The following HTT-AS variants were observed in gnomAD, a reference collection of about 807,000 sequenced individuals.
HTT-AS encodes HTT antisense RNA (head to head).
intron 2 of HTT-AS, among the ~76,000 whole-genome samples, chr4:3,059,327 C>G (rs1486914008): frequency 6.6e-6 from 1 of 152,138 alleles, no homozygotes; most frequent in East Asian, 1.9e-4. Flanking sequence ...TTGCTTTGAC[C>G]ACACAGCATC....
intron 1 of HTT-AS, among the ~76,000 whole-genome samples, chr4:3,072,789 G>A (rs1295174595): frequency 6.6e-6 from 1 of 152,216 alleles, no homozygotes; most frequent in East Asian, 1.9e-4. Context: ...CACTACACCC[G>A]GCTAATTTTT....
chr4:3,050,843 C>G (rs540905276), intron 2 of HTT-AS, among the ~76,000 whole-genome samples: 11 of 152,162 alleles, frequency 7.2e-5, no homozygotes, highest in African/African-American at 2.4e-4. Flanking sequence ...CCGTTTACCT[C>G]TCTTTGGATG....
chr4:3,047,319 AAAAC>A (rs1207939645), downstream of HTT-AS, among the ~76,000 whole-genome samples: 2 of 152,146 alleles, frequency 1.3e-5, no homozygotes, highest in Non-Finnish European at 2.9e-5. Flanking sequence ...TCAAAAAACA[AAAAC>A]AAAAACAAAA....
chr4:3,049,835 T>C (rs1711666486), intron 2 of HTT-AS, among the ~76,000 whole-genome samples: 1 of 151,846 alleles, frequency 6.6e-6, no homozygotes, highest in African/African-American at 2.4e-5. Context: ...AAAATGACGA[T>C]TGAATAAAAT....
At chr4:3,048,964 A>G (rs1202471976), downstream of HTT-AS, among the ~76,000 whole-genome samples, 2 of 152,224 alleles carry the variant, frequency 1.3e-5, no homozygotes, top group Admixed American at 1.3e-4. Context: ...TTTCTCACCT[A>G]CACTGGACCT....
chr4:3,047,808 G>A (rs1711622996), downstream of HTT-AS, among the ~76,000 whole-genome samples: 1 of 152,198 alleles, frequency 6.6e-6, no homozygotes, highest in African/African-American at 2.4e-5. Context: ...TCACTTTCAT[G>A]TTCCGCTCTG....
chr4:3,066,976 C>T lies in HTT-AS; in HGVS notation n.114-3276G>A, dbSNP rs73086132. Among the ~76,000 whole-genome samples the T allele has an allele frequency of 6.8e-3, 1,035 of 152,232 alleles. 15 individuals are homozygous for T. Among genetic ancestry groups the T allele is most frequent in the African/African-American group, 0.024 (990 of 41,524 alleles). On this transcript the variant is annotated intron_variant and non_coding_transcript_variant, in intron 1 of 2. Coordinates refer to ENST00000664062, the Ensembl canonical transcript of HTT-AS. ...CAGACACTTAAACAACTATGTTTCC[C>T]ATGTTCAAAGAGGAAATTTGCAAAA...
chr4:3,059,487 T>C (rs751232280), intron 2 of HTT-AS, among the ~76,000 whole-genome samples: 8 of 152,198 alleles, frequency 5.3e-5, no homozygotes, highest in Non-Finnish European at 8.8e-5. Context: ...ATTTCTCCAC[T>C]TCCTCATAAA....
At chr4:3,067,081 G>A (rs1419850958) in intron 1 of HTT-AS, among the ~76,000 whole-genome samples, 1 of 152,160 alleles carries the variant, frequency 6.6e-6, no homozygotes, top group Admixed American at 6.5e-5. Context: ...TTACGGTCCC[G>A]AAAACTGCAG....
chr4:3,071,403 C>T (rs1365777376), intron 1 of HTT-AS, among the ~76,000 whole-genome samples: 1 of 152,168 alleles, frequency 6.6e-6, no homozygotes, highest in Non-Finnish European at 1.5e-5. Flanking sequence ...AAAGGTGTGT[C>T]TTTCCCTTCA....
intron 2 of HTT-AS, among the ~76,000 whole-genome samples, chr4:3,053,405 T>C (rs1711748922): frequency 6.6e-6 from 1 of 152,110 alleles, no homozygotes; most frequent in Admixed American, 6.5e-5. Flanking sequence ...TGGTGGCGCA[T>C]GCTGGTAATC....
At chr4:3,067,166 CAGATG>C (rs1284724596) in intron 1 of HTT-AS, among the ~76,000 whole-genome samples, 1 of 152,130 alleles carries the variant, frequency 6.6e-6, no homozygotes, top group East Asian at 1.9e-4. Flanking sequence ...GGAAGTAAGT[CAGATG>C]ACACTACCCA....
At chr4:3,072,210 C>G (rs1342600478) in intron 1 of HTT-AS, among the ~76,000 whole-genome samples, 1 of 152,272 alleles carries the variant, frequency 6.6e-6, no homozygotes, top group South Asian at 2.1e-4. Context: ...CCTTTCCAAT[C>G]TCACGTGGTG....
chr4:3,055,390 C>G (rs1711788613), intron 2 of HTT-AS, among the ~76,000 whole-genome samples: 1 of 152,118 alleles, frequency 6.6e-6, no homozygotes, highest in African/African-American at 2.4e-5. Context: ...GGGAGGGCCT[C>G]TAACCCAATC....
chr4:3,051,469 A>G lies in HTT-AS; in HGVS notation n.1381-1771T>C, dbSNP rs114130696. On this transcript the variant is annotated intron_variant and non_coding_transcript_variant, in intron 2 of 2. Coordinates refer to ENST00000664062, the Ensembl canonical transcript of HTT-AS. ...TTTTGCCTGTGGTTCAATGAAACAA[A>G]AAAAGATCATTTTCCTTTATGATGT... 4.7e-3 allele frequency among the ~76,000 whole-genome samples: 712 copies of G among 152,186 alleles called. 3 individuals carry two copies. The highest frequency in any genetic ancestry group is 0.011 in the African/African-American group (463 of 41,502).
intron 1 of HTT-AS, among the ~76,000 whole-genome samples, chr4:3,073,268 G>A (rs914303630): frequency 1.2e-4 from 18 of 152,180 alleles, no homozygotes; most frequent in South Asian, 2.1e-4. Flanking sequence ...ATCACCCCCC[G>A]GCTGGGCGGT....
chr4:3,058,334 A>G (rs1490482296), intron 2 of HTT-AS, among the ~76,000 whole-genome samples: 1 of 152,066 alleles, frequency 6.6e-6, no homozygotes, highest in Non-Finnish European at 1.5e-5. Context: ...CTCAAAAGAA[A>G]AAAAAAAAAT....
chr4:3,051,354 C>G (rs569726833), intron 2 of HTT-AS, among the ~76,000 whole-genome samples: 3 of 152,248 alleles, frequency 2.0e-5, no homozygotes, highest in Non-Finnish European at 2.9e-5. Flanking sequence ...TGTGAGCCAC[C>G]GCGCCTGGCC....
At chr4:3,073,442 T>C (rs959712641) in intron 1 of HTT-AS, among the ~76,000 whole-genome samples, 1 of 152,220 alleles carries the variant, frequency 6.6e-6, no homozygotes, top group Non-Finnish European at 1.5e-5. Flanking sequence ...TCTGCTGAGC[T>C]GCTGCTGAAT....
Sources: allele counts gnomAD v4.1 joint callset (sites outside exome capture counted in the v4.1 genomes callset), GRCh38; gene constraint gnomAD v4.1.1; transcripts MANE v1.5; gene names NCBI Gene and HGNC (gene_info 2026-07-23, HGNC 2026-07-21).